The following RPA1 variants were observed in gnomAD, a reference collection of about 807,000 sequenced individuals.
RPA1 encodes the protein replication protein A1, also known as replication protein A 70 kDa DNA-binding subunit.
Under a neutral mutation model 83.0 loss-of-function variants are expected in RPA1, and 49 were observed. The ratio of observed to expected loss-of-function variants is 0.59; its 90% CI spans 0.47 to 0.75. The LOEUF (loss-of-function observed/expected upper bound fraction) is 0.75, where lower values mean the gene tolerates loss of function less well. RPA1 is among the 30% of genes least tolerant of loss of function. RPA1 has a pLI of 0.00. For missense variants in RPA1, 693 were observed against 776.1 expected (o/e 0.89, Z 1.27); for synonymous variants, 279 against 281.8 (o/e 0.99, Z 0.10).
intron 5 of RPA1, among the ~76,000 whole-genome samples, chr17:1,869,834 G>A (rs889880034): frequency 2.6e-5 from 4 of 152,134 alleles, no homozygotes; most frequent in Admixed American, 6.5e-5. Flanking sequence ...AGAATGCACC[G>A]GATTCTTGCC....
chr17:1,853,325 T>A, intron 5 of RPA1, 136 bp downstream of exon 5: 1 of 670,368 alleles, frequency 1.5e-6, no homozygotes. Context: ...AACCAGGCTA[T>A]TCTGTCAGGC....
At chr17:1,861,350 T>G (rs1912959144) in intron 5 of RPA1, among the ~76,000 whole-genome samples, 1 of 152,214 alleles carries the variant, frequency 6.6e-6, no homozygotes, top group Non-Finnish European at 1.5e-5. Context: ...CGCTTTCCTG[T>G]GCACAGCAGG....
chr17:1,865,034 A>G (rs988047765), intron 5 of RPA1, among the ~76,000 whole-genome samples: 1 of 152,238 alleles, frequency 6.6e-6, no homozygotes, highest in Non-Finnish European at 1.5e-5. Flanking sequence ...CCTTTGCCTA[A>G]GTGAGATAAT....
At chr17:1,863,872 T>G (rs1201804448) in intron 5 of RPA1, among the ~76,000 whole-genome samples, 2 of 152,228 alleles carry the variant, frequency 1.3e-5, no homozygotes, top group African/African-American at 2.4e-5. Context: ...GAGATGATGG[T>G]CAATCATGAA....
At chr17:1,858,859 T>C (rs1251308304) in intron 5 of RPA1, among the ~76,000 whole-genome samples, 1 of 151,864 alleles carries the variant, frequency 6.6e-6, no homozygotes, top group Non-Finnish European at 1.5e-5. Context: ...TCCTGTTAAA[T>C]GTATTGTCTT....
At chr17:1,853,023 G>A (rs1912556877) in intron 4 of RPA1, 78 bp from the exon 5 acceptor site, 4 of 1,074,230 alleles carry the variant, frequency 3.7e-6, no homozygotes, top group Non-Finnish European at 4.3e-6. Context: ...AATGATCATC[G>A]GGGAAAGCAT....
intron 8 of RPA1, 84 bp downstream of exon 8, chr17:1,877,398 G>T: frequency 6.6e-6 from 8 of 1,209,100 alleles, no homozygotes; most frequent in Non-Finnish European, 8.4e-6. Context: ...CAGTGGGCTC[G>T]CTGGGAAACA....
intron 4 of RPA1, among the ~76,000 whole-genome samples, chr17:1,845,499 G>T (rs142597419): frequency 5.3e-5 from 8 of 152,150 alleles, no homozygotes; most frequent in African/African-American, 1.9e-4. Context: ...TTGCACCGCC[G>T]CACTTCAGCC....
Position 1,879,239 on chromosome 17 carries a change from C to G in RPA1, c.784C>G (p.Leu262Val), listed in dbSNP as rs1263976057. ...NKVYYFSKGT[L>V]KIANKQFTAV... Reference sequence around the variant, plus strand: ...GGTGTATTATTTCTCGAAAGGCACCCTGAAGATTGCTAACAAGCAGTTCAC... The same window carrying G: ...GGTGTATTATTTCTCGAAAGGCACCGTGAAGATTGCTAACAAGCAGTTCAC... The change falls in exon 10 of 17, where the codon CTG becomes GTG. Residue 262 changes from leucine to valine, a missense_variant. Physicochemically the swap from Leu to Val is conservative, Grantham distance 32. Transcript: ENST00000254719. 2.5e-6 allele frequency: 4 copies of G among 1,613,874 alleles called. No homozygotes were observed. In the African/African-American group the frequency reaches 4.0e-5, roughly 16 times the overall value.
At chr17:1,845,615 T>C (rs1429070703) in intron 4 of RPA1, among the ~76,000 whole-genome samples, 1 of 152,162 alleles carries the variant, frequency 6.6e-6, no homozygotes, top group Non-Finnish European at 1.5e-5. Context: ...TGAACAGAAC[T>C]GTTACTCTCA....
intron 5 of RPA1, among the ~76,000 whole-genome samples, chr17:1,861,473 G>A (rs574336489): frequency 1.3e-4 from 20 of 152,178 alleles, no homozygotes; most frequent in African/African-American, 4.1e-4. Flanking sequence ...CCATTTGTCC[G>A]GTACGTAGTT....
At chr17:1,842,946 C>T (rs1912114740) in intron 2 of RPA1, 93 bp downstream of exon 2, 2 of 1,373,618 alleles carry the variant, frequency 1.5e-6, no homozygotes, top group Non-Finnish European at 2.1e-6. Context: ...GATTTGTCCA[C>T]TTTCGGAAAT....
chr17:1,837,003 A>T (rs1166180691), intron 1 of RPA1, among the ~76,000 whole-genome samples: 1 of 151,620 alleles, frequency 6.6e-6, no homozygotes, highest in African/African-American at 2.4e-5. Flanking sequence ...ATCCCCAGCT[A>T]ATTTTTGTAT....
At chr17:1,868,452 TAGGC>T (rs921150907) in intron 5 of RPA1, among the ~76,000 whole-genome samples, 3 of 152,032 alleles carry the variant, frequency 2.0e-5, no homozygotes, top group African/African-American at 4.8e-5. Flanking sequence ...AGCCCACAAA[TAGGC>T]AGGAATTCCA....
chr17:1,872,560 G>T, intron 6 of RPA1, 34 bp downstream of exon 6: 1 of 1,608,478 alleles, frequency 6.2e-7, no homozygotes, highest in Non-Finnish European at 8.5e-7. Context: ...GCTGACCAGG[G>T]GTGTCAGACT....
rs549555524 is a variant in RPA1 at position 1,889,083 on chromosome 17, G to A, written c.1551+232G>A. On this transcript the variant is annotated intron_variant, in intron 14 of 16. Coordinates refer to ENST00000254719, the MANE Select transcript of RPA1 (RefSeq NM_002945.5). ...TACAGCCATAGCGTCAGTGACACTT[G>A]CCTGCTAACTGCTATGAAGATAAAT... Among the ~76,000 whole-genome samples, 10 of 110,668 alleles carry A rather than the reference G, an allele frequency of 9.0e-5. No homozygotes were observed. In the East Asian group the frequency reaches 2.6e-3, roughly 29 times the overall value. The allele number at this position is 110,668 out of a possible 152,430, so 72.6% of individuals were successfully genotyped here.
intron 4 of RPA1, among the ~76,000 whole-genome samples, chr17:1,849,023 C>T (rs1912372230): frequency 6.6e-6 from 1 of 152,058 alleles, no homozygotes; most frequent in Non-Finnish European, 1.5e-5. Flanking sequence ...CAGACGTTTC[C>T]ATTTCTTTTA....
intron 5 of RPA1, among the ~76,000 whole-genome samples, chr17:1,865,500 A>T (rs1192580129): frequency 6.6e-6 from 1 of 152,264 alleles, no homozygotes; most frequent in Non-Finnish European, 1.5e-5. Flanking sequence ...TTTAATAAAC[A>T]TTAATCTTGA....
chr17:1,844,758 A>C, intron 4 of RPA1, 72 bp downstream of exon 4: 1 of 1,192,290 alleles, frequency 8.4e-7, no homozygotes, highest in Middle Eastern at 2.0e-4. Context: ...AAAAGGCAAT[A>C]GTGAGTTTTC....
Sources: gnomAD v4.1 joint callset for allele counts (sites outside exome capture counted in the v4.1 genomes callset) on GRCh38, gnomAD v4.1.1 for gene constraint, MANE v1.5 for transcripts, NCBI Gene and HGNC (gene_info 2026-07-23, HGNC 2026-07-21) for gene names.